CSGALNACT1: variants seen among roughly 807,000 people sequenced by gnomAD.
CSGALNACT1 encodes chondroitin sulfate N-acetylgalactosaminyltransferase 1, also known as beta4GalNAcT-1.
Under a neutral mutation model 51.0 loss-of-function variants are expected in CSGALNACT1, and 52 were observed. The ratio of observed to expected loss-of-function variants is 1.02; its 90% CI spans 0.82 to 1.29. CSGALNACT1 has a LOEUF of 1.29. Among genes scored for constraint, CSGALNACT1 ranks in the 50% most tolerant of loss-of-function variants. The pLI is 0.00. For synonymous variants in CSGALNACT1, 341 were observed against 254.4 expected, an observed-to-expected ratio of 1.34 and a Z score of -3.24; for missense variants, 935 against 679.2, an observed-to-expected ratio of 1.38 and a Z score of -4.19.
Position 19,539,903 on chromosome 8 carries a change from C to G in CSGALNACT1, c.-296-33773G>C, listed in dbSNP as rs540494545. 5.9e-5 allele frequency among the ~76,000 whole-genome samples: 9 copies of G among 152,188 alleles called. No individual in the cohort carries two copies. In the East Asian group the frequency reaches 1.2e-3, roughly 20 times the overall value. ...AGGAGGGGAGATACCTATGAGGTAG[C>G]CTGGAAAGAAAGTTCTGCCTGAGAG... is the stretch of plus-strand genomic sequence containing the variant. On this transcript the variant is annotated intron_variant, in intron 3 of 9. Coordinates refer to ENST00000454498, the Ensembl canonical transcript of CSGALNACT1.
At chr8:19,448,524 T>A (rs957053553) in intron 5 of CSGALNACT1, among the ~76,000 whole-genome samples, 1 of 152,082 alleles carries the variant, frequency 6.6e-6, no homozygotes, top group Non-Finnish European at 1.5e-5. Context: ...CATAATATAA[T>A]GCAGGATGGA....
chr8:19,499,219 C>T (rs187078343), intron 4 of CSGALNACT1, among the ~76,000 whole-genome samples: 2 of 152,348 alleles, frequency 1.3e-5, no homozygotes, highest in East Asian at 1.9e-4. Context: ...TCTGGGCTTG[C>T]GTAGATGCCC....
intron 3 of CSGALNACT1, among the ~76,000 whole-genome samples, chr8:19,548,567 T>A (rs780202527): frequency 0.14 from 20,940 of 152,324 alleles, 39 homozygotes; most frequent in Middle Eastern, 0.19. Flanking sequence ...CAAATATTAT[T>A]TTTAAAACAT....
intron 1 of CSGALNACT1, among the ~76,000 whole-genome samples, chr8:19,642,694 G>A (rs761705193): frequency 3.3e-5 from 5 of 151,884 alleles, no homozygotes; most frequent in Non-Finnish European, 7.4e-5. Flanking sequence ...GCTGAGGTGA[G>A]AGGATCGTTT....
intron 1 of CSGALNACT1, among the ~76,000 whole-genome samples, chr8:19,657,650 T>C (rs1399716407): frequency 1.3e-5 from 2 of 152,168 alleles, no homozygotes; most frequent in East Asian, 3.8e-4. Flanking sequence ...CAATCTAGCA[T>C]TGGTACTATG....
intron 6 of CSGALNACT1, among the ~76,000 whole-genome samples, chr8:19,431,006 A>G (rs1264161553): frequency 6.6e-6 from 1 of 152,146 alleles, no homozygotes; most frequent in Non-Finnish European, 1.5e-5. Flanking sequence ...TAGAAATACA[A>G]TTAACCTTTG....
At chr8:19,689,973 T>A (rs1039788557) in intron 1 of CSGALNACT1, among the ~76,000 whole-genome samples, 2 of 152,222 alleles carry the variant, frequency 1.3e-5, no homozygotes, top group African/African-American at 4.8e-5. Context: ...TTCTGCATCT[T>A]TAGATGAAAT....
rs1290823266 is a variant in CSGALNACT1, at chr8:19,667,027, G to A, written c.-544+15446C>T. On this transcript the variant is annotated intron_variant, in intron 1 of 9. Coordinates refer to the CSGALNACT1 transcript ENST00000332246. ...AGAAAGAAAGAAAGAAAGGAAGGAA[G>A]GAAGGAAGGAAGGAAGAAAGAAAGA... Among the ~76,000 whole-genome samples, 86 of 32,140 alleles carry A rather than the reference G, an allele frequency of 2.7e-3. 4 individuals carry two copies. Among genetic ancestry groups the A allele is most frequent in the African/African-American group, 0.014 (59 of 4,212 alleles). 21.1% of individuals were successfully genotyped at this position (32,140 alleles called of 152,430 possible). A position where few individuals can be genotyped will look rare whatever the true frequency, so the allele number is the denominator to read the frequency against.
At chr8:19,751,555 CAAT>C (rs2065027201) in intron 1 of CSGALNACT1, among the ~76,000 whole-genome samples, 1 of 152,096 alleles carries the variant, frequency 6.6e-6, no homozygotes, top group African/African-American at 2.4e-5. Context: ...GCAATGCAGT[CAAT>C]AATGATAATA....
chr8:19,622,379 T>C (rs1157179983), intron 1 of CSGALNACT1, among the ~76,000 whole-genome samples: 3 of 152,216 alleles, frequency 2.0e-5, no homozygotes, highest in South Asian at 2.1e-4. Context: ...CCAGATCTTA[T>C]TGGTTCATGA....
chr8:19,429,449 T>A (rs1004755627), intron 6 of CSGALNACT1, among the ~76,000 whole-genome samples: 2 of 100,728 alleles, frequency 2.0e-5, no homozygotes, highest in Non-Finnish European at 3.9e-5. Context: ...AAGGCTGGGA[T>A]AACAGGCGTG....
intron 6 of CSGALNACT1, among the ~76,000 whole-genome samples, chr8:19,439,163 A>G (rs1245369293): frequency 6.6e-6 from 1 of 152,216 alleles, no homozygotes; most frequent in African/African-American, 2.4e-5. Context: ...TTATTCATTT[A>G]TTTTTATAGG....
chr8:19,648,220 G>A (rs117986465), intron 1 of CSGALNACT1, among the ~76,000 whole-genome samples: 378 of 152,262 alleles, frequency 2.5e-3, no homozygotes, highest in Non-Finnish European at 4.0e-3. Flanking sequence ...CACTCAATCT[G>A]TTCCAAAGAA....
chr8:19,486,690 G>A (rs191882992), intron 4 of CSGALNACT1, among the ~76,000 whole-genome samples: 5 of 152,098 alleles, frequency 3.3e-5, no homozygotes, highest in African/African-American at 1.2e-4. Context: ...TCTTATTTCA[G>A]ATTGTATTAT....
chr8:19,639,571 G>A (rs2056504064), intron 1 of CSGALNACT1, among the ~76,000 whole-genome samples: 1 of 152,170 alleles, frequency 6.6e-6, no homozygotes, highest in Non-Finnish European at 1.5e-5. Context: ...CAGGACCAGG[G>A]AGGAGATACT....
At chr8:19,690,030 C>T (rs4922087) in intron 1 of CSGALNACT1, among the ~76,000 whole-genome samples, 53,691 of 152,006 alleles carry the variant, frequency 0.35, 10,445 homozygotes, top group African/African-American at 0.51. Context: ...ATTTGAGTTT[C>T]AAACTAAATG....
chr8:19,567,796 C>T (rs1019991384), intron 3 of CSGALNACT1, among the ~76,000 whole-genome samples: 6 of 151,878 alleles, frequency 4.0e-5, no homozygotes, highest in African/African-American at 9.7e-5. Context: ...AGTTTAACAA[C>T]GTTGTTAGAT....
chr8:19,619,284 G>A (rs1355399838), intron 1 of CSGALNACT1, among the ~76,000 whole-genome samples: 1 of 151,724 alleles, frequency 6.6e-6, no homozygotes, highest in Admixed American at 6.6e-5. Flanking sequence ...GCACAGACAT[G>A]AGAAAGCATG....
intron 3 of CSGALNACT1, among the ~76,000 whole-genome samples, chr8:19,563,914 C>T (rs1466190220): frequency 6.6e-6 from 1 of 152,112 alleles, no homozygotes; most frequent in African/African-American, 2.4e-5. Flanking sequence ...CACTGGCCTC[C>T]TCCCTCAGCC....
Sources: gnomAD v4.1 joint callset for allele counts (sites outside exome capture counted in the v4.1 genomes callset) on GRCh38, gnomAD v4.1.1 for gene constraint, MANE v1.5 for transcripts, NCBI Gene and HGNC (gene_info 2026-07-23, HGNC 2026-07-21) for gene names.